Variants in TMEM87A observed in about 807,000 individuals in gnomAD.
The protein encoded by TMEM87A is transmembrane protein 87A, also known as Golgi-pH regulating cation channel.
A neutral mutation model predicts 90.0 loss-of-function variants in TMEM87A; 50 were observed. The ratio of observed to expected loss-of-function variants is 0.56; its 90% confidence interval spans 0.44 to 0.70. The LOEUF (loss-of-function observed/expected upper bound fraction) is 0.70. Ranked by LOEUF, TMEM87A falls within the 30% of genes least tolerant of loss-of-function variation. TMEM87A has a pLI of 0.00. For missense variants in TMEM87A, 577 were observed against 660.5 expected, an observed-to-expected ratio of 0.87 and a Z score of 1.39; for synonymous variants, 226 against 226.7, an observed-to-expected ratio of 1.00 and a Z score of 0.03.
chr15:42,265,458 G>A (rs912611326), intron 3 of TMEM87A, among the ~76,000 whole-genome samples: 11 of 151,822 alleles, frequency 7.2e-5, no homozygotes, highest in South Asian at 4.2e-4. Context: ...AATAATCAAC[G>A]ATACTGAGCT....
Position 42,219,979 on chromosome 15 carries a change from C to T in TMEM87A, c.1477+83G>A, listed in dbSNP as rs541912760. On this transcript the variant is annotated intron_variant, in intron 16 of 19. Coordinates refer to ENST00000389834, the MANE Select transcript of TMEM87A (RefSeq NM_015497.5). ...CTTCATCCCACACCAAATATAGGAA[C>T]AACACAGTTATAAAATAATAAACAA... 3.5e-5 allele frequency: 45 copies of T among 1,292,940 alleles called. No homozygotes were observed. The African/African-American group carries it at 6.2e-4, about 18-fold the overall frequency. The allele number at this position is 1,292,940 out of a possible 1,614,324, so 80.1% of individuals were successfully genotyped here. A position where few individuals can be genotyped will look rare whatever the true frequency, so the allele number is the denominator to read the frequency against.
At chr15:42,270,241 G>A (rs968984027) in intron 2 of TMEM87A, among the ~76,000 whole-genome samples, 3 of 151,796 alleles carry the variant, frequency 2.0e-5, no homozygotes, top group African/African-American at 4.8e-5. Context: ...GTGGTGGCAC[G>A]CGCCTATAGT....
At chr15:42,248,250 T>C (rs2051015646) in intron 6 of TMEM87A, among the ~76,000 whole-genome samples, 1 of 152,182 alleles carries the variant, frequency 6.6e-6, no homozygotes, top group Non-Finnish European at 1.5e-5. Flanking sequence ...TGACTTCCTC[T>C]TTTCCTAATT....
chr15:42,253,471 C>T (rs1022728351), intron 6 of TMEM87A, among the ~76,000 whole-genome samples: 1 of 152,120 alleles, frequency 6.6e-6, no homozygotes, highest in Non-Finnish European at 1.5e-5. Flanking sequence ...CCCAGGAAGC[C>T]ACTCCAGCCC....
intron 9 of TMEM87A, 69 bp downstream of exon 9, chr15:42,237,363 C>T: frequency 6.6e-7 from 1 of 1,510,952 alleles, no homozygotes; most frequent in Non-Finnish European, 9.1e-7. Context: ...TGACTGCTGA[C>T]CTTAGGAATA....
At chr15:42,258,684 C>T in intron 6 of TMEM87A, 1 of 1,188,130 alleles carries the variant, frequency 8.4e-7, no homozygotes, top group Non-Finnish European at 1.0e-6. Context: ...ACCTTGGCCT[C>T]CCAAAGTGTT....
At chr15:42,232,150 T>A (rs2050696064) in intron 11 of TMEM87A, among the ~76,000 whole-genome samples, 3 of 152,216 alleles carry the variant, frequency 2.0e-5, no homozygotes, top group African/African-American at 2.4e-5. Flanking sequence ...AGTCTTTTTT[T>A]AAAAAATAAG....
chr15:42,245,563 C>T (rs1412234254), intron 6 of TMEM87A, among the ~76,000 whole-genome samples: 2 of 135,088 alleles, frequency 1.5e-5, no homozygotes, highest in African/African-American at 2.9e-5. Flanking sequence ...CTCGCTCCAT[C>T]GCCCAGGCAG....
At position 42,264,206 on chromosome 15, in the gene TMEM87A, G is replaced by A. The variant is rs2051353382; in HGVS notation, c.292-3C>T. On this transcript the variant is annotated splice_polypyrimidine_tract_variant and splice_region_variant and intron_variant, in intron 3 of 19. Coordinates refer to ENST00000389834, the MANE Select transcript of TMEM87A (RefSeq NM_015497.5). Reference sequence around the variant, plus strand: ...AAATACAACTCTACTTCTTCTGCCTGGAAAAAGAGATAATACAGAGTAGTT... The same window carrying A: ...AAATACAACTCTACTTCTTCTGCCTAGAAAAAGAGATAATACAGAGTAGTT... The A allele has an allele frequency of 6.2e-7, 1 of 1,602,114 alleles. No individual in the cohort carries two copies.
At chr15:42,242,403 C>T (rs942746039) in intron 7 of TMEM87A, among the ~76,000 whole-genome samples, 1 of 152,084 alleles carries the variant, frequency 6.6e-6, no homozygotes, top group Non-Finnish European at 1.5e-5. Flanking sequence ...TCTCTTCCAG[C>T]CTTTTCAAAG....
At chr15:42,211,791 G>A (rs1012218044) in intron 19 of TMEM87A, 42 bp from the exon 20 acceptor site, 7 of 1,559,664 alleles carry the variant, frequency 4.5e-6, no homozygotes, top group Non-Finnish European at 6.2e-6. Flanking sequence ...AGGTTAAAAT[G>A]ATCTATATTC....
At chr15:42,271,980 G>A in intron 2 of TMEM87A, 83 bp downstream of exon 2, 1 of 1,155,752 alleles carries the variant, frequency 8.7e-7, no homozygotes, top group South Asian at 1.5e-5. Flanking sequence ...TTAGATTTCA[G>A]AACTTATAAA....
At chr15:42,214,548 G>A (rs980693002) in intron 19 of TMEM87A, among the ~76,000 whole-genome samples, 10 of 152,072 alleles carry the variant, frequency 6.6e-5, no homozygotes, top group Non-Finnish European at 1.0e-4. Flanking sequence ...ACTGATCTTC[G>A]AAAAGAGAGA....
intron 12 of TMEM87A, among the ~76,000 whole-genome samples, chr15:42,230,115 C>G (rs994543433): frequency 6.6e-6 from 1 of 152,220 alleles, no homozygotes; most frequent in East Asian, 1.9e-4. Flanking sequence ...GCATGAGCCA[C>G]TGCACCCGGC....
At position 42,237,567 on chromosome 15, in the gene TMEM87A, G is replaced by A. The variant is rs138319789; in HGVS notation, c.733C>T (p.Leu245=). 1.5e-5 allele frequency: 24 copies of A among 1,613,946 alleles called. No homozygotes were observed. In the African/African-American group the frequency reaches 3.1e-4, roughly 21 times the overall value. Residue 245 remains leucine, a synonymous_variant, in exon 9 of 20, where the codon CTG becomes TTG. Transcript: ENST00000389834. ...IVYVLFGVLW[L]AWSACYWRDL... ...CTCCAGTAGCAGGCAGACCATGCCA[G>A]CCACAGAACACCAAACAGGACATAT...
chr15:42,254,427 C>G (rs1566937292), intron 6 of TMEM87A, among the ~76,000 whole-genome samples: 1 of 152,174 alleles, frequency 6.6e-6, no homozygotes, highest in Non-Finnish European at 1.5e-5. Context: ...ACAGTTTTAT[C>G]TATAATTGTT....
intron 6 of TMEM87A, chr15:42,258,151 A>C (rs6493026): frequency 0.99 from 963,585 of 976,044 alleles, 476,499 homozygotes; most frequent in Non-Finnish European, 1. Flanking sequence ...ACAATAAGAC[A>C]CTATACAAGC....
At chr15:42,250,259 C>T (rs907219413) in intron 6 of TMEM87A, among the ~76,000 whole-genome samples, 1 of 152,112 alleles carries the variant, frequency 6.6e-6, no homozygotes, top group Non-Finnish European at 1.5e-5. Flanking sequence ...GCATTTAGCC[C>T]GTCTACATTT....
At chr15:42,266,368 T>C (rs2051403965) in intron 3 of TMEM87A, among the ~76,000 whole-genome samples, 1 of 151,998 alleles carries the variant, frequency 6.6e-6, no homozygotes. Context: ...ATACAAAAAT[T>C]AGCCGGGTGT....
Sources: allele counts gnomAD v4.1 joint callset (sites outside exome capture counted in the v4.1 genomes callset), GRCh38; gene constraint gnomAD v4.1.1; transcripts MANE v1.5; gene names NCBI Gene and HGNC (gene_info 2026-07-23, HGNC 2026-07-21).